Variants in PTPRQ observed in about 807,000 individuals in gnomAD.
PTPRQ encodes the protein phosphatidylinositol phosphatase PTPRQ.
A neutral mutation model predicts 246.0 loss-of-function variants in PTPRQ; 199 were observed. The ratio of observed to expected loss-of-function variants is 0.81; its 90% CI spans 0.72 to 0.91. The LOEUF (loss-of-function observed/expected upper bound fraction) is 0.91. Among genes scored for constraint, PTPRQ ranks in the 40% least tolerant of loss-of-function variants. The pLI is 0.00. For synonymous variants in PTPRQ, 869 were observed against 853.2 expected (o/e 1.02, Z -0.32); for missense variants, 2,624 against 2,528.4 (o/e 1.04, Z -0.81).
At chr12:80,559,301 C>T (rs1896757738) in intron 25 of PTPRQ, among the ~76,000 whole-genome samples, 2 of 152,242 alleles carry the variant, frequency 1.3e-5, no homozygotes, top group African/African-American at 4.8e-5. Flanking sequence ...ACCTCGGCCT[C>T]CCAAAGTGCT....
At chr12:80,484,645 G>T (rs1404537851) in intron 9 of PTPRQ, 40 bp downstream of exon 9, 2 of 1,541,436 alleles carry the variant, frequency 1.3e-6, no homozygotes, top group South Asian at 1.2e-5. Context: ...AACCCTTTCT[G>T]CTTGGTTCTG....
rs552292154 is a variant in PTPRQ, at chr12:80,506,180, C to A, written c.2429C>A (p.Thr810Lys). 3.1e-5 allele frequency: 47 copies of A among 1,510,662 alleles called. No homozygotes were observed. The highest frequency in any genetic ancestry group is 3.7e-5 in the Non-Finnish European group (42 of 1,131,898). The allele number at this position is 1,510,662 out of a possible 1,614,324, so 93.6% of individuals were successfully genotyped here. A position where few individuals can be genotyped will look rare whatever the true frequency, so the allele number is the denominator to read the frequency against. The change falls in exon 15 of 45, where the codon ACA (threonine) becomes AAA (lysine). Residue 810 changes from threonine to lysine, a missense_variant. By Grantham distance (78) the Thr-to-Lys change is moderately conservative. Transcript: ENST00000644991. Reference sequence around the variant, plus strand: ...GGAAATGAGGAAAGAACTATAAATACAACCTCTTTAACCCAAAACATTAAA... The same window carrying A: ...GGAAATGAGGAAAGAACTATAAATAAAACCTCTTTAACCCAAAACATTAAA... ...SNGNEERTIN[T>K]TSLTQNIKVL...
intron 30 of PTPRQ, among the ~76,000 whole-genome samples, chr12:80,617,991 T>C (rs1898828199): frequency 1.3e-5 from 2 of 151,424 alleles, no homozygotes; most frequent in Non-Finnish European, 3.0e-5. Context: ...ACCTGTGATC[T>C]GTGGCACTTA....
At chr12:80,557,903 T>A (rs999414601) in intron 25 of PTPRQ, among the ~76,000 whole-genome samples, 1 of 152,144 alleles carries the variant, frequency 6.6e-6, no homozygotes, top group Non-Finnish European at 1.5e-5. Flanking sequence ...TGGACACCAC[T>A]AATCTGTTCT....
intron 35 of PTPRQ, among the ~76,000 whole-genome samples, chr12:80,638,137 G>A (rs370925904): frequency 5.9e-5 from 9 of 151,780 alleles, no homozygotes; most frequent in East Asian, 3.9e-4. Context: ...GCATGGTGGC[G>A]CATGCCTGTA....
chr12:80,478,876 T>C (rs1317211761), intron 8 of PTPRQ, among the ~76,000 whole-genome samples: 1 of 152,034 alleles, frequency 6.6e-6, no homozygotes, highest in South Asian at 2.1e-4. Context: ...TGGGACTATG[T>C]GAAAAGACCA....
chr12:80,479,085 A>G (rs1214567904), intron 8 of PTPRQ, among the ~76,000 whole-genome samples: 1 of 151,828 alleles, frequency 6.6e-6, no homozygotes, highest in East Asian at 1.9e-4. Flanking sequence ...CAGATTCACC[A>G]AAGTTGAAAT....
At chr12:80,622,289 A>AT (rs1223498030) in intron 33 of PTPRQ, among the ~76,000 whole-genome samples, 155 bp downstream of exon 33, 1 of 152,070 alleles carries the variant, frequency 6.6e-6, no homozygotes, top group East Asian at 1.9e-4. Flanking sequence ...GGTTTTTAAA[A>AT]TTTTTTCTTT....
chr12:80,537,994 A>G (rs1399640759), intron 19 of PTPRQ, among the ~76,000 whole-genome samples: 3 of 152,128 alleles, frequency 2.0e-5, no homozygotes, highest in Non-Finnish European at 4.4e-5. Context: ...CTGTAGTCCC[A>G]GGTACTCAGG....
intron 25 of PTPRQ, among the ~76,000 whole-genome samples, chr12:80,550,910 T>C (rs770676306): frequency 6.6e-6 from 1 of 152,120 alleles, no homozygotes. Context: ...ATTTTACTAA[T>C]AATATCAAAT....
chr12:80,641,798 T>G (rs921663899), intron 35 of PTPRQ, among the ~76,000 whole-genome samples: 2 of 152,034 alleles, frequency 1.3e-5, no homozygotes, highest in Non-Finnish European at 2.9e-5. Flanking sequence ...TGAATGTCTT[T>G]CTTCATCATC....
intron 39 of PTPRQ, among the ~76,000 whole-genome samples, chr12:80,665,752 GA>G (rs893642693): frequency 4.0e-5 from 6 of 151,272 alleles, no homozygotes; most frequent in African/African-American, 9.7e-5. Flanking sequence ...CTCAATAGCA[GA>G]AAAAAAATCC....
At chr12:80,518,467 G>A (rs1437040150) in intron 17 of PTPRQ, among the ~76,000 whole-genome samples, 1 of 152,050 alleles carries the variant, frequency 6.6e-6, no homozygotes, top group African/African-American at 2.4e-5. Flanking sequence ...TTTCTTTGCT[G>A]TACAGAAGCT....
At chr12:80,622,420 A>C (rs992861914) in intron 33 of PTPRQ, among the ~76,000 whole-genome samples, 2 of 151,936 alleles carry the variant, frequency 1.3e-5, no homozygotes, top group African/African-American at 2.4e-5. Context: ...TATTTGGCAA[A>C]GTCTGGAGCC....
intron 8 of PTPRQ, among the ~76,000 whole-genome samples, chr12:80,477,170 G>A (rs528278995): frequency 5.3e-5 from 8 of 152,192 alleles, no homozygotes; most frequent in African/African-American, 1.9e-4. Context: ...CTATTGCAAT[G>A]AGTGAGGGCA....
At chr12:80,513,917 G>C (rs1241185071) in intron 17 of PTPRQ, among the ~76,000 whole-genome samples, 1 of 152,126 alleles carries the variant, frequency 6.6e-6, no homozygotes. Context: ...TTTGAGAAAG[G>C]TACTTCCACA....
intron 6 of PTPRQ, among the ~76,000 whole-genome samples, chr12:80,461,525 C>T (rs1317572738): frequency 6.6e-6 from 1 of 151,412 alleles, no homozygotes; most frequent in Non-Finnish European, 1.5e-5. Flanking sequence ...TATCAGTATT[C>T]ATGTAAATAC....
chr12:80,481,398 A>G (rs1894050505), intron 8 of PTPRQ, among the ~76,000 whole-genome samples: 1 of 152,178 alleles, frequency 6.6e-6, no homozygotes, highest in Admixed American at 6.5e-5. Flanking sequence ...GCCATCCATG[A>G]CAAACCCACA....
At chr12:80,473,571 T>C (rs1383163121) in intron 8 of PTPRQ, among the ~76,000 whole-genome samples, 1 of 152,250 alleles carries the variant, frequency 6.6e-6, no homozygotes, top group East Asian at 1.9e-4. Flanking sequence ...GACCAGCTGA[T>C]TTTGGTGCTT....
Sources: gnomAD v4.1 joint callset for allele counts (sites outside exome capture counted in the v4.1 genomes callset) on GRCh38, gnomAD v4.1.1 for gene constraint, MANE v1.5 for transcripts, NCBI Gene and HGNC (gene_info 2026-07-23, HGNC 2026-07-21) for gene names.